JAZF1: variants seen among roughly 807,000 people sequenced by gnomAD.
JAZF1 encodes the protein juxtaposed with another zinc finger protein 1.
A neutral mutation model predicts 26.4 loss-of-function variants in JAZF1; 8 were observed. The ratio of observed to expected loss-of-function variants is 0.30; its 90% CI spans 0.18 to 0.55. JAZF1 has a LOEUF of 0.55. JAZF1 is among the 20% of genes least tolerant of loss of function. The probability of loss-of-function intolerance (pLI) is 0.94; values close to 1 mark genes in which losing one functional copy is unlikely to be tolerated. For synonymous variants in JAZF1, 126 were observed against 122.3 expected, an observed-to-expected ratio of 1.03 and a Z score of -0.20; for missense variants, 199 against 322.0, an observed-to-expected ratio of 0.62 and a Z score of 2.92.
chr7:27,928,197 G>A (rs1784629449), intron 2 of JAZF1, among the ~76,000 whole-genome samples: 1 of 152,134 alleles, frequency 6.6e-6, no homozygotes, highest in Non-Finnish European at 1.5e-5. Flanking sequence ...TTTCAGTTAG[G>A]CAATAGTCTT....
intron 3 of JAZF1, chr7:27,864,214 G>A (rs560833845): frequency 2.0e-5 from 3 of 152,142 alleles, no homozygotes; most frequent in South Asian, 2.1e-4. Context: ...TCCATGGCCC[G>A]CGATTTAATT....
intron 1 of JAZF1, among the ~76,000 whole-genome samples, chr7:28,095,988 G>A (rs2127924802): frequency 6.6e-6 from 1 of 152,228 alleles, no homozygotes. Flanking sequence ...CCAACCGTAT[G>A]ACTCATTTAA....
Position 28,075,653 on chromosome 7 carries a change from G to T in JAZF1, c.116-83672C>A, listed in dbSNP as rs146965899. ...TTTACTTAACAACATAAAACAGACA[G>T]TATTATTCTTTTTAATGGCTGCATA... On this transcript the variant is annotated intron_variant, in intron 1 of 4. Coordinates refer to ENST00000283928, the MANE Select transcript of JAZF1 (RefSeq NM_175061.4). Among the ~76,000 whole-genome samples the T allele has an allele frequency of 3.1e-3, 470 of 152,188 alleles. 4 individuals are homozygous for T. The highest frequency in any genetic ancestry group is 0.011 in the African/African-American group (455 of 41,516).
At chr7:28,032,768 C>T (rs373199150) in intron 1 of JAZF1, among the ~76,000 whole-genome samples, 2 of 152,176 alleles carry the variant, frequency 1.3e-5, no homozygotes, top group South Asian at 4.1e-4. Context: ...ATAATTCTAG[C>T]CAGGAAGAGA....
At chr7:27,962,458 A>G (rs1396362587) in intron 2 of JAZF1, among the ~76,000 whole-genome samples, 3 of 152,198 alleles carry the variant, frequency 2.0e-5, no homozygotes, top group Non-Finnish European at 4.4e-5. Context: ...TCCCCAATCC[A>G]CAGAGAGTCA....
chr7:28,110,599 A>G (rs1258995884), intron 1 of JAZF1, among the ~76,000 whole-genome samples: 1 of 108,102 alleles, frequency 9.3e-6, no homozygotes, highest in African/African-American at 4.2e-5. Context: ...AGGAAAAGGA[A>G]AAGGAAAAGG....
chr7:27,933,466 A>T (rs996317312), intron 2 of JAZF1, among the ~76,000 whole-genome samples: 6 of 152,236 alleles, frequency 3.9e-5, no homozygotes, highest in Non-Finnish European at 5.9e-5. Flanking sequence ...CCAGTTTATT[A>T]CAAAAAACAC....
At position 27,895,314 on chromosome 7, in the gene JAZF1, C is replaced by A. The variant is rs1041491159; in HGVS notation, c.291G>T (p.Val97=). ...CACTGCTGTGGCGTGGGGGAGTGGA[C>A]ACATTCCCTCGAGACACTGAGCTGG... ...TLSSSVSRGN[V]STPPRHSSGS... is the part of the protein sequence containing the mutation. Residue 97 remains valine (V), a synonymous_variant, in exon 3 of 5, where the codon GTG becomes GTT. Coordinates refer to ENST00000283928, the MANE Select transcript of JAZF1 (RefSeq NM_175061.4). 8 of 1,608,946 alleles carry A rather than the reference C, an allele frequency of 5.0e-6. No homozygotes were observed. The Admixed American group carries it at 1.2e-4, about 24-fold the overall frequency.
At chr7:28,129,035 T>A (rs186224055) in intron 1 of JAZF1, among the ~76,000 whole-genome samples, 47 of 152,184 alleles carry the variant, frequency 3.1e-4, no homozygotes, top group African/African-American at 1.1e-3. Flanking sequence ...GGGTTCTCTG[T>A]TTTTATGCAA....
chr7:28,016,222 T>A (rs776990340), intron 1 of JAZF1, among the ~76,000 whole-genome samples: 9 of 152,180 alleles, frequency 5.9e-5, no homozygotes, highest in Non-Finnish European at 1.3e-4. Flanking sequence ...GATGGAGCAA[T>A]GCCTCTGAGG....
chr7:28,004,565 T>C (rs1352360923), intron 1 of JAZF1, among the ~76,000 whole-genome samples: 2 of 152,184 alleles, frequency 1.3e-5, no homozygotes, highest in Non-Finnish European at 2.9e-5. Flanking sequence ...TCTCCCACCC[T>C]TCCAAACTAA....
chr7:28,048,099 T>C (rs1181462551), intron 1 of JAZF1, among the ~76,000 whole-genome samples: 6 of 152,204 alleles, frequency 3.9e-5, no homozygotes, highest in Non-Finnish European at 7.3e-5. Flanking sequence ...GAACGGTGCA[T>C]GGATGGACAG....
chr7:28,126,848 G>A (rs546975372), intron 1 of JAZF1, among the ~76,000 whole-genome samples: 4 of 152,274 alleles, frequency 2.6e-5, no homozygotes, highest in East Asian at 1.9e-4. Context: ...GTGAGTCCAC[G>A]GAACCCTAAA....
chr7:27,974,073 G>A (rs1238492081), intron 2 of JAZF1, among the ~76,000 whole-genome samples: 1 of 152,112 alleles, frequency 6.6e-6, no homozygotes, highest in Non-Finnish European at 1.5e-5. Context: ...GAATGGGTAG[G>A]TGCCATTAAA....
intron 3 of JAZF1, among the ~76,000 whole-genome samples, chr7:27,849,973 C>A (rs1447423738): frequency 6.7e-6 from 1 of 150,230 alleles, no homozygotes; most frequent in East Asian, 1.9e-4. Context: ...GTTTTACTAC[C>A]TAAAGAGTTC....
intron 1 of JAZF1, among the ~76,000 whole-genome samples, chr7:28,124,327 T>C (rs1003850920): frequency 1.3e-5 from 2 of 152,132 alleles, no homozygotes; most frequent in African/African-American, 2.4e-5. Flanking sequence ...CCTGGACTTA[T>C]AGTGTCCAAA....
chr7:27,937,274 A>T (rs1784775768), intron 2 of JAZF1, among the ~76,000 whole-genome samples: 2 of 152,188 alleles, frequency 1.3e-5, no homozygotes, highest in African/African-American at 4.8e-5. Flanking sequence ...AGCCTAACTC[A>T]TATACAGGGT....
chr7:28,042,075 G>C (rs1193343731), intron 1 of JAZF1, among the ~76,000 whole-genome samples: 12 of 152,256 alleles, frequency 7.9e-5, no homozygotes, highest in Non-Finnish European at 2.9e-5. Context: ...GAAGTAAACA[G>C]TGACAACCAA....
rs1782896345 is a variant in JAZF1 at position 27,840,238 on chromosome 7, T to C, written c.555+460A>G. ...AGAACTTCCTCAGCTGGAAGCTAAA[T>C]ACCCTCCACACTCACCAAATGGCTC... On this transcript the variant is annotated intron_variant, in intron 4 of 4. Transcript: ENST00000283928. The surrounding 1 kb of genome is among the most constrained non-coding windows in gnomAD (Gnocchi z 5.1). Among the ~76,000 whole-genome samples the C allele has an allele frequency of 6.6e-6, 1 of 152,194 alleles. No individual in the cohort carries two copies. Among genetic ancestry groups the C allele is most frequent in the Admixed American group, 6.5e-5 (1 of 15,284 alleles).
Sources: allele counts gnomAD v4.1 joint callset (sites outside exome capture counted in the v4.1 genomes callset), GRCh38; gene constraint gnomAD v4.1.1; non-coding constraint Gnocchi (gnomAD v3.1); transcripts MANE v1.5; gene names NCBI Gene and HGNC (gene_info 2026-07-23, HGNC 2026-07-21).